Variants in ZDHHC2 observed in about 807,000 individuals in gnomAD.
ZDHHC2 encodes zDHHC palmitoyltransferase 2.
A neutral mutation model predicts 55.6 loss-of-function variants in ZDHHC2; 51 were observed. The observed-to-expected ratio is 0.92, with a 90% CI of 0.73 to 1.16. The LOEUF (loss-of-function observed/expected upper bound fraction) is 1.16, where lower values mean the gene tolerates loss of function less well. Among genes scored for constraint, ZDHHC2 ranks in the 50% most tolerant of loss-of-function variants. ZDHHC2 has a pLI of 0.00. For missense variants in ZDHHC2, 491 were observed against 442.4 expected (o/e 1.11, Z -0.99); for synonymous variants, 199 against 152.9 (o/e 1.30, Z -2.22).
intron 1 of ZDHHC2, among the ~76,000 whole-genome samples, chr8:17,179,756 T>C (rs1585670226): frequency 6.6e-6 from 1 of 152,208 alleles, no homozygotes; most frequent in African/African-American, 2.4e-5. Flanking sequence ...AACAGGAACA[T>C]TCTTGGTAAC....
At position 17,197,552 on chromosome 8, in the gene ZDHHC2, C is replaced by G. The variant is rs764587934; in HGVS notation, c.374-30C>G. 5.0e-6 allele frequency: 8 copies of G among 1,601,246 alleles called. No homozygotes were observed. In the African/African-American group the frequency reaches 6.7e-5, roughly 13 times the overall value. On this transcript the variant is annotated intron_variant, in intron 4 of 12. Coordinates refer to ENST00000262096, the MANE Select transcript of ZDHHC2 (RefSeq NM_016353.5). ...TTGTATTTTCAATTCAGTGTTAACT[C>G]TAAGACTAAGTGGAGCTTTTTGTCC...
In ZDHHC2 at chr8:17,199,624, C is replaced by CGT. The variant is rs1563161752; in HGVS notation, c.476+1211_476+1212insGT. On this transcript the variant is annotated intron_variant, in intron 6 of 12. Coordinates refer to ENST00000262096, the MANE Select transcript of ZDHHC2 (RefSeq NM_016353.5). ...TTTATTCTTTCTTCTTCTTCTTCTTCCTTTCTTCTTCTTCTCCTCCTCCTC... is the reference window on the plus strand; with the variant it reads ...TTTATTCTTTCTTCTTCTTCTTCTTCGTCTTTCTTCTTCTTCTCCTCCTCCTC... Among the ~76,000 whole-genome samples, 76 of 48,170 alleles carry CGT rather than the reference C, an allele frequency of 1.6e-3. 4 individuals carry two copies. Among genetic ancestry groups the CGT allele is most frequent in the Middle Eastern group, 0.022 (1 of 46 alleles). The allele number at this position is 48,170 out of a possible 152,430, so 31.6% of individuals were successfully genotyped here.
Position 17,156,622 on chromosome 8 carries a change from G to T in ZDHHC2, c.-102G>T, listed in dbSNP as rs1269031681. 2.8e-5 allele frequency: 27 copies of T among 964,420 alleles called. No individual in the cohort carries two copies. The highest frequency in any genetic ancestry group is 3.5e-5 in the African/African-American group (2 of 56,560). 59.7% of individuals were successfully genotyped at this position (964,420 alleles called of 1,614,324 possible). Reference sequence around the variant, plus strand: ...AGTGGCCGCAGCGCACCCCGCCGCCGCCCAGGAGCCCGTCCAGCCAGGGGT... The same window carrying T: ...AGTGGCCGCAGCGCACCCCGCCGCCTCCCAGGAGCCCGTCCAGCCAGGGGT... On this transcript the variant is annotated 5_prime_UTR_variant, in exon 1 of 13. Transcript: ENST00000262096.
chr8:17,178,207 A>G lies in ZDHHC2; in HGVS notation c.131-6582A>G, dbSNP rs535552512. 3.3e-5 allele frequency among the ~76,000 whole-genome samples: 5 copies of G among 152,328 alleles called. No homozygotes were observed. The East Asian group carries it at 9.6e-4, about 29-fold the overall frequency. Reference sequence around the variant, plus strand: ...AGGCTGCTGTATCTCATTAGATACCATTTAGGACAGTAACACTTTAATAAT... The same window carrying G: ...AGGCTGCTGTATCTCATTAGATACCGTTTAGGACAGTAACACTTTAATAAT... On this transcript the variant is annotated intron_variant, in intron 1 of 12. Coordinates refer to ENST00000262096, the MANE Select transcript of ZDHHC2 (RefSeq NM_016353.5).
chr8:17,174,070 G>T (rs909595145), intron 1 of ZDHHC2, among the ~76,000 whole-genome samples: 2 of 151,422 alleles, frequency 1.3e-5, no homozygotes, highest in Admixed American at 1.3e-4. Context: ...CTCAATTTGT[G>T]CTCTATTCTT....
chr8:17,183,159 AG>A (rs1241936880), intron 1 of ZDHHC2, among the ~76,000 whole-genome samples: 1 of 152,242 alleles, frequency 6.6e-6, no homozygotes, highest in African/African-American at 2.4e-5. Flanking sequence ...TGCAAGCACC[AG>A]CACCTCTGGA....
rs2150956211 is a variant in ZDHHC2 at position 17,222,158 on chromosome 8, AT to A, written c.*1938del. Reference sequence around the variant, plus strand: ...CCCACAGTCTTTTATATAATTAAATATATGTCAATACACATTAGAATCAGAT... The same window carrying A: ...CCCACAGTCTTTTATATAATTAAATAATGTCAATACACATTAGAATCAGAT... On this transcript the variant is annotated 3_prime_UTR_variant, in exon 13 of 13. Coordinates refer to ENST00000262096, the MANE Select transcript of ZDHHC2 (RefSeq NM_016353.5). The A allele has an allele frequency of 6.6e-6, 1 of 151,834 alleles. No individual in the cohort carries two copies. The highest frequency in any genetic ancestry group is 6.6e-5 in the Admixed American group (1 of 15,230). The allele number at this position is 151,834 out of a possible 1,614,324, so 9.4% of individuals were successfully genotyped here.
At chr8:17,169,541 A>G (rs1804755027) in intron 1 of ZDHHC2, among the ~76,000 whole-genome samples, 2 of 152,212 alleles carry the variant, frequency 1.3e-5, no homozygotes, top group African/African-American at 4.8e-5. Context: ...GCAAACTGAT[A>G]AAGAGGAGTG....
chr8:17,199,634 T>TCTTC (rs1563161793), intron 6 of ZDHHC2, among the ~76,000 whole-genome samples: 1 of 98,616 alleles, frequency 1.0e-5, no homozygotes, highest in African/African-American at 3.0e-5. Context: ...CCTTTCTTCT[T>TCTTC]CTTCTCCTCC....
chr8:17,214,903 T>C (rs1485327651), intron 10 of ZDHHC2, among the ~76,000 whole-genome samples: 1 of 151,996 alleles, frequency 6.6e-6, no homozygotes, highest in South Asian at 2.1e-4. Flanking sequence ...CAAAAATAAA[T>C]ACATACATAA....
At chr8:17,191,887 A>G (rs1806048023) in intron 3 of ZDHHC2, among the ~76,000 whole-genome samples, 1 of 152,078 alleles carries the variant, frequency 6.6e-6, no homozygotes, top group South Asian at 2.1e-4. Flanking sequence ...TTTTTGAGAA[A>G]CCCATCGTAG....
intron 1 of ZDHHC2, among the ~76,000 whole-genome samples, chr8:17,183,359 G>C (rs1272884381): frequency 6.6e-6 from 1 of 152,220 alleles, no homozygotes; most frequent in African/African-American, 2.4e-5. Context: ...GGTAGGTTCA[G>C]ATATTAAAAA....
intron 1 of ZDHHC2, among the ~76,000 whole-genome samples, chr8:17,159,760 A>G (rs1804241393): frequency 6.6e-6 from 1 of 152,218 alleles, no homozygotes; most frequent in South Asian, 2.1e-4. Context: ...AGAAAAGATC[A>G]CAAAAGACAG....
chr8:17,177,750 G>A, intron 1 of ZDHHC2, among the ~76,000 whole-genome samples: 1 of 120,838 alleles, frequency 8.3e-6, no homozygotes, highest in Non-Finnish European at 1.6e-5. Flanking sequence ...GTTTTGGGGT[G>A]TTTGTGTGTG....
At chr8:17,164,808 T>C (rs1290198120) in intron 1 of ZDHHC2, among the ~76,000 whole-genome samples, 1 of 152,342 alleles carries the variant, frequency 6.6e-6, no homozygotes. Context: ...TATTTTCTTA[T>C]GTACAGATAA....
chr8:17,200,977 G>C (rs1221670543), intron 6 of ZDHHC2, among the ~76,000 whole-genome samples: 1 of 152,206 alleles, frequency 6.6e-6, no homozygotes, highest in African/African-American at 2.4e-5. Flanking sequence ...CAGCAGCCAT[G>C]TTGACTTGTG....
intron 1 of ZDHHC2, among the ~76,000 whole-genome samples, chr8:17,165,503 G>A (rs1413695352): frequency 6.6e-6 from 1 of 152,146 alleles, no homozygotes; most frequent in African/African-American, 2.4e-5. Context: ...AAAGGAGGGG[G>A]AAGGGTAGTG....
Position 17,220,995 on chromosome 8 carries a change from TATG to T in ZDHHC2, c.*776_*778del, listed in dbSNP as rs1242758007. 6.6e-6 allele frequency: 1 copy of T among 152,248 alleles called. No individual in the cohort carries two copies. Among genetic ancestry groups the T allele is most frequent in the African/African-American group, 2.4e-5 (1 of 41,450 alleles). 9.4% of individuals were successfully genotyped at this position (152,248 alleles called of 1,614,324 possible). On this transcript the variant is annotated 3_prime_UTR_variant, in exon 13 of 13. Transcript: ENST00000262096. ...TTGGGAGGAAATTTATGATAGCAATTATGAAGATTGTTTTATGACATTCTTTTG... is the reference window on the plus strand; with the variant it reads ...TTGGGAGGAAATTTATGATAGCAATTAAGATTGTTTTATGACATTCTTTTG...
chr8:17,217,655 G>A (rs1301452555), intron 12 of ZDHHC2, among the ~76,000 whole-genome samples: 2 of 152,036 alleles, frequency 1.3e-5, no homozygotes, highest in African/African-American at 4.8e-5. Context: ...ACTCTAAGTC[G>A]AAGTGCAATA....
Sources: allele counts gnomAD v4.1 joint callset (sites outside exome capture counted in the v4.1 genomes callset), GRCh38; gene constraint gnomAD v4.1.1; transcripts MANE v1.5; gene names NCBI Gene and HGNC (gene_info 2026-07-23, HGNC 2026-07-21).